The following AGXT variants were observed in gnomAD, a reference collection of about 807,000 sequenced individuals.
AGXT encodes the protein L-alanine: glyoxylate aminotransferase 1.
AGXT carries 41 observed loss-of-function variants against 46.9 expected under a neutral mutation model. That is an observed-to-expected ratio of 0.88 (90% CI 0.68 to 1.14). The LOEUF is 1.14. AGXT is among the 50% of genes most tolerant of loss of function. The pLI is 0.00. For synonymous variants in AGXT, 244 were observed against 227.9 expected (o/e 1.07, Z -0.64); for missense variants, 525 against 522.7 (o/e 1.00, Z -0.04).
In AGXT at chr2:240,871,406, G is replaced by A. The variant is rs180177227; in HGVS notation, c.481G>A (p.Gly161Ser). 18 of 1,600,490 alleles carry A rather than the reference G, an allele frequency of 1.1e-5. No homozygotes were observed. Among genetic ancestry groups the A allele is most frequent in the East Asian group, 4.5e-5 (2 of 44,270 alleles). Reference protein sequence around the residue: ...LFLTHGESSTGVLQPLDGFGE... With the variant: ...LFLTHGESSTSVLQPLDGFGE... ...CTTAACCCACGGGGAGTCGTCCACC[G>A]GCGTGCTGCAGCCCCTTGATGGCTT... The change falls in exon 4 of 11, where the codon GGC becomes AGC. Residue 161 changes from glycine (G) to serine (S), a missense_variant. By Grantham distance (56) the Gly-to-Ser change is moderately conservative (BLOSUM62 0). Coordinates refer to ENST00000307503, the MANE Select transcript of AGXT (RefSeq NM_000030.3).
chr2:240,869,372 A>C lies in AGXT; in HGVS notation c.358+10A>C. On this transcript the variant is annotated intron_variant, in intron 2 of 10. Coordinates refer to ENST00000307503, the MANE Select transcript of AGXT (RefSeq NM_000030.3). The stretch of plus-strand genomic sequence containing the variant: ...ATCGGGGAGCGCATAGGTAAGGGAG[A>C]GGCCCAGGTGGGGATGGCCCTGGAT... The C allele has an allele frequency of 6.4e-7, 1 of 1,571,604 alleles. No homozygotes were observed. Among genetic ancestry groups the C allele is most frequent in the Non-Finnish European group, 8.6e-7 (1 of 1,157,030 alleles).
intron 2 of AGXT, 90 bp from the exon 3 acceptor site, chr2:240,870,554 C>A (rs1260039316): frequency 1.4e-6 from 2 of 1,478,400 alleles, no homozygotes; most frequent in African/African-American, 2.8e-5. Flanking sequence ...CCAGCCCTCA[C>A]AGGGCCCTGC....
At position 240,875,204 on chromosome 2, in the gene AGXT, T is replaced by C. The variant is rs2059017648; in HGVS notation, c.776T>C (p.Met259Thr). 1 of 1,610,314 alleles carries C rather than the reference T, an allele frequency of 6.2e-7. No individual in the cohort carries two copies. Among genetic ancestry groups the C allele is most frequent in the Non-Finnish European group, 8.5e-7 (1 of 1,176,618 alleles). ...NFWGCDDQPR[M>T]YHHTIPVISL... ...TGGGGCTGTGACGACCAGCCCAGGA[T>C]GTGAGGCCTGGCAGGGATGGGAAGG... The change falls in exon 7 of 11, where the codon ATG becomes ACG. Residue 259 changes from methionine to threonine, a missense_variant and splice_region_variant. Met to Thr is a moderately conservative substitution (Grantham distance 81, BLOSUM62 -1). Transcript: ENST00000307503.
chr2:240,875,014 C>G (rs1232429863), intron 6 of AGXT, 95 bp from the exon 7 acceptor site: 3 of 1,181,316 alleles, frequency 2.5e-6, no homozygotes, highest in Admixed American at 1.8e-5. Context: ...GGCCCCACCC[C>G]GTCTCACTCC....
At chr2:240,869,663 T>A (rs1451071483) in intron 2 of AGXT, among the ~76,000 whole-genome samples, 1 of 152,110 alleles carries the variant, frequency 6.6e-6, no homozygotes, top group African/African-American at 2.4e-5. Context: ...CAGCACACAC[T>A]CCTGAGAGCC....
rs896445596 is a variant in AGXT at position 240,877,744 on chromosome 2, C to T, written c.942+112C>T. ...CTCCTGAGAAGGAGGGGGCGGCTGCCCGGTGGTGTGGCCTCGGTGCCAGGG... is the reference window on the plus strand; with the variant it reads ...CTCCTGAGAAGGAGGGGGCGGCTGCTCGGTGGTGTGGCCTCGGTGCCAGGG... On this transcript the variant is annotated intron_variant, in intron 9 of 10. Transcript: ENST00000307503. The T allele has an allele frequency of 1.8e-4, 226 of 1,263,800 alleles. No homozygotes were observed. In the African/African-American group the frequency reaches 2.7e-3, roughly 15 times the overall value. 78.3% of individuals were successfully genotyped at this position (1,263,800 alleles called of 1,614,324 possible).
In AGXT at chr2:240,869,038, T is replaced by C. The variant is rs2058976704; in HGVS notation, c.165+8T>C. On this transcript the variant is annotated splice_region_variant and intron_variant, in intron 1 of 10. Transcript: ENST00000307503. ...AGCAAGGATATGTACCAGGTAGGAG[T>C]GGGGGTCACTCGGGGGGCCTGGGTC... The C allele has an allele frequency of 1.6e-6, 2 of 1,289,416 alleles. No homozygotes were observed. The highest frequency in any genetic ancestry group is 3.4e-5 in the African/African-American group (2 of 59,152). The allele number at this position is 1,289,416 out of a possible 1,614,324, so 79.9% of individuals were successfully genotyped here.
chr2:240,869,230 C>G lies in AGXT; in HGVS notation c.226C>G (p.Leu76Val). 1 of 1,605,168 alleles carries G rather than the reference C, an allele frequency of 6.2e-7. No individual in the cohort carries two copies. Among genetic ancestry groups the G allele is most frequent in the South Asian group, 1.1e-5 (1 of 90,936 alleles). The part of the protein sequence containing the change: ...YVFQTRNPLT[L>V]VISGSGHCAL... The stretch of plus-strand genomic sequence containing the variant: ...GTTCCAGACCAGGAACCCACTCACA[C>G]TGGTCATCTCTGGCTCGGGACACTG... The change falls in exon 2 of 11, where the codon CTG becomes GTG. Residue 76 changes from leucine (L) to valine (V), a missense_variant. Transcript: ENST00000307503.
rs982656318 is a variant in AGXT, at chr2:240,871,560, C to T, written c.524+111C>T. Reference sequence around the variant, plus strand: ...CTGCCCCTGGTCCCCACCCCAGCCTCTGTCACATGGTATGGGGTGCAGGCA... The same window carrying T: ...CTGCCCCTGGTCCCCACCCCAGCCTTTGTCACATGGTATGGGGTGCAGGCA... On this transcript the variant is annotated intron_variant, in intron 4 of 10. Transcript: ENST00000307503. The T allele has an allele frequency of 5.8e-5, 59 of 1,018,512 alleles. No homozygotes were observed. The African/African-American group carries it at 8.1e-4, about 14-fold the overall frequency. 63.1% of individuals were successfully genotyped at this position (1,018,512 alleles called of 1,614,324 possible).
intron 8 of AGXT, chr2:240,877,317 CTG>C (rs969566588): frequency 1.2e-5 from 8 of 692,536 alleles, no homozygotes; most frequent in Middle Eastern, 4.6e-4. Flanking sequence ...GACCTCCCCT[CTG>C]TCTCTCTGAA....
chr2:240,870,463 T>C (rs2058985129), intron 2 of AGXT, among the ~76,000 whole-genome samples, 181 bp from the exon 3 acceptor site: 2 of 152,090 alleles, frequency 1.3e-5, no homozygotes. Context: ...TGGCCCTGGC[T>C]CTACACACAG....
rs1231779919 is a variant in AGXT, at chr2:240,880,308, T to C, written c.*1487T>C. On this transcript the variant is annotated 3_prime_UTR_variant, in exon 11 of 11. Transcript: ENST00000307503. ...CATGTTGTCTTTTTTTGCTAGGGGG[T>C]GTAAAATCCTGTCTGATTTGGTTTT... 2 of 152,116 alleles carry C rather than the reference T, an allele frequency of 1.3e-5. No homozygotes were observed. Among genetic ancestry groups the C allele is most frequent in the Non-Finnish European group, 2.9e-5 (2 of 68,014 alleles). The allele number at this position is 152,116 out of a possible 1,614,324, so 9.4% of individuals were successfully genotyped here. A position where few individuals can be genotyped will look rare whatever the true frequency, so the allele number is the denominator to read the frequency against.
In AGXT at chr2:240,875,263, G is replaced by T. The variant is rs375150507; in HGVS notation, c.776+59G>T. On this transcript the variant is annotated intron_variant, in intron 7 of 10. Transcript: ENST00000307503. The stretch of plus-strand genomic sequence containing the variant: ...GCTGGGCATGGCTGAGAGGTGGGGC[G>T]CTGGCCTCTCACTGCACTCAGGGAT... 10 of 1,408,148 alleles carry T rather than the reference G, an allele frequency of 7.1e-6. No individual in the cohort carries two copies. In the African/African-American group the frequency reaches 9.9e-5, roughly 14 times the overall value. 87.2% of individuals were successfully genotyped at this position (1,408,148 alleles called of 1,614,324 possible). A position where few individuals can be genotyped will look rare whatever the true frequency, so the allele number is the denominator to read the frequency against.
rs921701172 is a variant in AGXT at position 240,869,244 on chromosome 2, C to T, written c.240C>T (p.Gly80=). 2 of 1,613,734 alleles carry T rather than the reference C, an allele frequency of 1.2e-6. No homozygotes were observed. Residue 80 remains glycine, a synonymous_variant, in exon 2 of 11, where the codon GGC becomes GGT. Transcript: ENST00000307503. ...ACCCACTCACACTGGTCATCTCTGG[C>T]TCGGGACACTGTGCCCTGGAGGCCG... ...TRNPLTLVIS[G]SGHCALEAAL... is the part of the protein sequence containing the mutation.
At chr2:240,874,161 C>T in intron 6 of AGXT, 99 bp downstream of exon 6, 2 of 1,169,980 alleles carry the variant, frequency 1.7e-6, no homozygotes, top group Non-Finnish European at 2.5e-6. Context: ...AGGAAGGGCT[C>T]CCCATGCTCC....
In AGXT at chr2:240,878,205, T is replaced by A. The variant is rs919595564; in HGVS notation, c.1071+55T>A. ...CAGAAACCAAACCCGCCACCCCTCCTTGAGCAGGACTGTGCACCAGGTGCA... is the reference window on the plus strand; with the variant it reads ...CAGAAACCAAACCCGCCACCCCTCCATGAGCAGGACTGTGCACCAGGTGCA... On this transcript the variant is annotated intron_variant, in intron 10 of 10. Coordinates refer to ENST00000307503, the MANE Select transcript of AGXT (RefSeq NM_000030.3). 3.7e-6 allele frequency: 6 copies of A among 1,605,530 alleles called. No homozygotes were observed. In the Admixed American group the frequency reaches 1.0e-4, roughly 27 times the overall value.
rs967514759 is a variant in AGXT at position 240,880,102 on chromosome 2, A to C, written c.*1281A>C. 1 of 152,196 alleles carries C rather than the reference A, an allele frequency of 6.6e-6. No individual in the cohort carries two copies. Among genetic ancestry groups the C allele is most frequent in the Non-Finnish European group, 1.5e-5 (1 of 68,040 alleles). The allele number at this position is 152,196 out of a possible 1,614,324, so 9.4% of individuals were successfully genotyped here. ...TACGGAGGTAGTGAAATTCTTACTC[A>C]AGCCTTCGTGTGGCCATATATTTTC... On this transcript the variant is annotated 3_prime_UTR_variant, in exon 11 of 11. Coordinates refer to ENST00000307503, the MANE Select transcript of AGXT (RefSeq NM_000030.3).
At chr2:240,869,928 G>T (rs2058982226) in intron 2 of AGXT, among the ~76,000 whole-genome samples, 1 of 152,162 alleles carries the variant, frequency 6.6e-6, no homozygotes, top group Admixed American at 6.5e-5. Context: ...CTCCACAATG[G>T]CCATGCTGGT....
At chr2:240,874,669 G>T (rs1320436155) in intron 6 of AGXT, among the ~76,000 whole-genome samples, 1 of 152,172 alleles carries the variant, frequency 6.6e-6, no homozygotes, top group Non-Finnish European at 1.5e-5. Context: ...AAGCGGCTGG[G>T]TGTGAGTCAG....
Sources: gnomAD v4.1 joint callset for allele counts (sites outside exome capture counted in the v4.1 genomes callset) on GRCh38, gnomAD v4.1.1 for gene constraint, MANE v1.5 for transcripts, NCBI Gene and HGNC (gene_info 2026-07-23, HGNC 2026-07-21) for gene names.